FGF9: variants seen among roughly 807,000 people sequenced by gnomAD.
FGF9 encodes the protein fibroblast growth factor 9.
Under a neutral mutation model 19.9 loss-of-function variants are expected in FGF9, and 3 were observed. The observed-to-expected ratio is 0.15, with a 90% CI of 0.07 to 0.39. FGF9 has a LOEUF of 0.39. Among genes scored for constraint, FGF9 ranks in the 10% least tolerant of loss-of-function variants. FGF9 has a pLI of 1.00. For synonymous variants in FGF9, 107 were observed against 106.9 expected (o/e 1.00, Z -0.01); for missense variants, 175 against 256.8 (o/e 0.68, Z 2.18).
chr13:21,700,922 G>A (rs1457456630), intron 2 of FGF9, among the ~76,000 whole-genome samples: 1 of 152,144 alleles, frequency 6.6e-6, no homozygotes, highest in African/African-American at 2.4e-5. Flanking sequence ...AAACATCAGT[G>A]TTTTCTCATG....
intron 2 of FGF9, among the ~76,000 whole-genome samples, chr13:21,698,334 G>A (rs1324479465): frequency 6.6e-6 from 1 of 152,160 alleles, no homozygotes; most frequent in Non-Finnish European, 1.5e-5. Context: ...GTTTTCTAAG[G>A]TTTATTCAGG....
Position 21,701,228 on chromosome 13 carries a change from C to G in FGF9, c.420C>G (p.Phe140Leu). ...LTQECVFREQFEENWYNTYSS... is the reference protein window; with the variant it reads ...LTQECVFREQLEENWYNTYSS... The stretch of plus-strand genomic sequence containing the variant: ...AAGAGTGTGTATTCAGAGAACAGTT[C>G]GAAGAAAACTGGTATAATACGTACT... Residue 140 changes from phenylalanine (F) to leucine (L), a missense_variant, in exon 3 of 3, where the codon TTC becomes TTG. By Grantham distance (22) the Phe-to-Leu change is conservative (BLOSUM62 0). Coordinates refer to ENST00000382353, the MANE Select transcript of FGF9 (RefSeq NM_002010.3). 2.5e-6 allele frequency: 4 copies of G among 1,613,484 alleles called. No homozygotes were observed. The highest frequency in any genetic ancestry group is 3.4e-6 in the Non-Finnish European group (4 of 1,179,740).
chr13:21,685,912 G>T (rs1358149372), intron 2 of FGF9, among the ~76,000 whole-genome samples: 1 of 152,174 alleles, frequency 6.6e-6, no homozygotes, highest in Admixed American at 6.5e-5. Flanking sequence ...TTGAAATTTC[G>T]AGAGGATGTT....
rs1871795521 is a variant in FGF9 at position 21,672,608 on chromosome 13, G to T, written c.277+419G>T. Among the ~76,000 whole-genome samples the T allele has an allele frequency of 6.6e-6, 1 of 152,106 alleles. No homozygotes were observed. The highest frequency in any genetic ancestry group is 6.5e-5 in the Admixed American group (1 of 15,270). ...GTGGGTATCTTGTGCCCAAATTAAGGTTTTTTTCCTTTCCCCCTTTCCTCT... is the reference window on the plus strand; with the variant it reads ...GTGGGTATCTTGTGCCCAAATTAAGTTTTTTTTCCTTTCCCCCTTTCCTCT... On this transcript the variant is annotated intron_variant, in intron 1 of 2. Coordinates refer to ENST00000382353, the MANE Select transcript of FGF9 (RefSeq NM_002010.3). The surrounding 1 kb of genome is among the most constrained non-coding windows in gnomAD (Gnocchi z 4.2).
intron 2 of FGF9, among the ~76,000 whole-genome samples, chr13:21,681,611 TGAATAA>T (rs1872044694): frequency 6.6e-6 from 1 of 152,264 alleles, no homozygotes; most frequent in African/African-American, 2.4e-5. Flanking sequence ...TTTTTGTACG[TGAATAA>T]GAATATTACG....
intron 1 of FGF9, 41 bp from the exon 2 acceptor site, chr13:21,681,001 G>T: frequency 6.9e-7 from 1 of 1,459,256 alleles, no homozygotes; most frequent in African/African-American, 1.4e-5. Flanking sequence ...GACATGCTCT[G>T]TGATCTGATC....
chr13:21,682,492 A>G (rs1872063736), intron 2 of FGF9, among the ~76,000 whole-genome samples: 1 of 152,186 alleles, frequency 6.6e-6, no homozygotes, highest in South Asian at 2.1e-4. Flanking sequence ...AGATACACAC[A>G]TACATATATA....
At chr13:21,699,287 A>G (rs992738411) in intron 2 of FGF9, among the ~76,000 whole-genome samples, 1 of 152,208 alleles carries the variant, frequency 6.6e-6, no homozygotes, top group East Asian at 1.9e-4. Context: ...TTCTGTCCCC[A>G]TGAACACAGC....
chr13:21,695,769 T>G (rs1872396617), intron 2 of FGF9, among the ~76,000 whole-genome samples: 1 of 152,198 alleles, frequency 6.6e-6, no homozygotes, highest in African/African-American at 2.4e-5. Context: ...TGAGAATGAA[T>G]GATTACATTG....
At chr13:21,680,028 G>A (rs1490512953) in intron 1 of FGF9, among the ~76,000 whole-genome samples, 1 of 151,232 alleles carries the variant, frequency 6.6e-6, no homozygotes, top group Non-Finnish European at 1.5e-5. Context: ...TAACCACACT[G>A]TAGTTACAGA....
At chr13:21,675,234 T>G (rs1871883590) in intron 1 of FGF9, among the ~76,000 whole-genome samples, 1 of 149,956 alleles carries the variant, frequency 6.7e-6, no homozygotes. Context: ...GCAGTGGGGG[T>G]GGGGAAGCAG....
intron 2 of FGF9, among the ~76,000 whole-genome samples, chr13:21,682,494 A>G (rs999168868): frequency 1.3e-5 from 2 of 152,178 alleles, no homozygotes; most frequent in East Asian, 3.8e-4. Context: ...ATACACACAT[A>G]CATATATATA....
rs753830593 is a variant in FGF9, at chr13:21,691,026, G to C, written c.381+9881G>C. Among the ~76,000 whole-genome samples, 1 of 152,196 alleles carries C rather than the reference G, an allele frequency of 6.6e-6. No homozygotes were observed. On this transcript the variant is annotated intron_variant, in intron 2 of 2. Coordinates refer to ENST00000382353, the MANE Select transcript of FGF9 (RefSeq NM_002010.3). This position sits in a 1 kb window ranked among gnomAD's most constrained non-coding sequence, Gnocchi z 4.2. ...AGAAACACACATAAAACAAGGTTAC[G>C]TATCTGTTGGCTGACAAAAATCTTA...
intron 2 of FGF9, among the ~76,000 whole-genome samples, chr13:21,681,693 T>G (rs996867561): frequency 6.6e-6 from 1 of 152,226 alleles, no homozygotes; most frequent in Non-Finnish European, 1.5e-5. Flanking sequence ...CACTAGGTTG[T>G]AAGGTCCTCA....
intron 2 of FGF9, among the ~76,000 whole-genome samples, chr13:21,692,378 C>A (rs1872312835): frequency 6.6e-6 from 1 of 151,860 alleles, no homozygotes; most frequent in Non-Finnish European, 1.5e-5. Flanking sequence ...CCTTTTCTCT[C>A]TTTTTCAAGC....
rs549208017 is a variant in FGF9, at chr13:21,691,720, C to T, written c.382-9470C>T. Among the ~76,000 whole-genome samples the T allele has an allele frequency of 6.6e-6, 1 of 152,356 alleles. No individual in the cohort carries two copies. Among genetic ancestry groups the T allele is most frequent in the Non-Finnish European group, 1.5e-5 (1 of 68,040 alleles). ...TGGCAGTGGCCTGGTCGCCTCACCC[C>T]TCCCGACTCCCCCTCACCAGGGACT... On this transcript the variant is annotated intron_variant, in intron 2 of 2. Transcript: ENST00000382353. The surrounding 1 kb of genome is among the most constrained non-coding windows in gnomAD (Gnocchi z 4.2).
intron 1 of FGF9, among the ~76,000 whole-genome samples, chr13:21,678,340 A>C (rs972481603): frequency 6.6e-6 from 1 of 152,234 alleles, no homozygotes; most frequent in Non-Finnish European, 1.5e-5. Context: ...TAAGATGTGC[A>C]TAATAGTTAA....
chr13:21,698,840 T>A (rs1872475982), intron 2 of FGF9, among the ~76,000 whole-genome samples: 1 of 152,226 alleles, frequency 6.6e-6, no homozygotes, highest in Non-Finnish European at 1.5e-5. Flanking sequence ...TTCTTGTCCC[T>A]TGTAGAACTA....
At chr13:21,677,062 C>T (rs1871933414) in intron 1 of FGF9, among the ~76,000 whole-genome samples, 2 of 152,180 alleles carry the variant, frequency 1.3e-5, no homozygotes, top group Admixed American at 1.3e-4. Flanking sequence ...TCATCAAATC[C>T]AATGGGGTCC....
Sources: gnomAD v4.1 joint callset for allele counts (sites outside exome capture counted in the v4.1 genomes callset) on GRCh38, gnomAD v4.1.1 for gene constraint, Gnocchi (gnomAD v3.1) non-coding constraint, MANE v1.5 for transcripts, NCBI Gene and HGNC (gene_info 2026-07-23, HGNC 2026-07-21) for gene names.